The following MCM3AP variants were observed in gnomAD, a reference collection of about 807,000 sequenced individuals.
MCM3AP encodes the protein germinal-center associated nuclear protein.
Under a neutral mutation model 184.1 loss-of-function variants are expected in MCM3AP, and 126 were observed. The ratio of observed to expected loss-of-function variants is 0.68; its 90% CI spans 0.59 to 0.79. The LOEUF is 0.79. Among genes scored for constraint, MCM3AP ranks in the 30% least tolerant of loss-of-function variants. MCM3AP has a pLI of 0.00. For synonymous variants in MCM3AP, 1,002 were observed against 979.3 expected (o/e 1.02, Z -0.43); for missense variants, 2,496 against 2,479.2 (o/e 1.01, Z -0.14).
At position 46,280,063 on chromosome 21, in the gene MCM3AP, C is replaced by T. The variant is rs2145715752; in HGVS notation, c.1597G>A (p.Ala533Thr). 2 of 1,614,118 alleles carry T rather than the reference C, an allele frequency of 1.2e-6. No individual in the cohort carries two copies. The highest frequency in any genetic ancestry group is 1.7e-6 in the Non-Finnish European group (2 of 1,179,940). ...DGEVSPSTED[A>T]PFQHSPLGKA... ...CCAAGAGGAGAGTGCTGAAAGGGTGCATCCTCTGTGCTCGGGCTGACTTCA... is the reference window on the plus strand; with the variant it reads ...CCAAGAGGAGAGTGCTGAAAGGGTGTATCCTCTGTGCTCGGGCTGACTTCA... Residue 533 changes from alanine to threonine, a missense_variant, in exon 4 of 28, where the codon GCA (alanine) becomes ACA (threonine). Transcript: ENST00000291688.
chr21:46,285,276 G>A lies in MCM3AP; in HGVS notation c.11C>T (p.Thr4Ile). 6.2e-7 allele frequency: 1 copy of A among 1,611,040 alleles called. No homozygotes were observed. The highest frequency in any genetic ancestry group is 2.2e-5 in the East Asian group (1 of 44,870). ...AGGCTGCTGCCCACTGAAAGGATTAGTTGGGTTCATCTTCTGCTCCAATTA... is the reference window on the plus strand; with the variant it reads ...AGGCTGCTGCCCACTGAAAGGATTAATTGGGTTCATCTTCTGCTCCAATTA... MNPTNPFSGQQPSA... is the reference protein window; with the variant it reads MNPINPFSGQQPSA... The change falls in exon 1 of 28, where the codon ACT becomes ATT. Residue 4 changes from threonine to isoleucine, a missense_variant. Around this residue, in one of 5 missense-constraint regions of MCM3AP, gnomAD observed 800 missense variants for 717.1 expected, o/e 1.12. Transcript: ENST00000291688.
At chr21:46,273,673 T>A (rs2081216762) in intron 6 of MCM3AP, 88 bp from the exon 7 acceptor site, 1 of 899,570 alleles carries the variant, frequency 1.1e-6, no homozygotes, top group Non-Finnish European at 1.8e-6. Context: ...GAAAATCACA[T>A]ACACACCCAC....
At chr21:46,281,907 A>C (rs2081338194) in intron 2 of MCM3AP, among the ~76,000 whole-genome samples, 1 of 152,072 alleles carries the variant, frequency 6.6e-6, no homozygotes, top group Non-Finnish European at 1.5e-5. Flanking sequence ...CTGAGGGAGG[A>C]GAATCGCTTG....
chr21:46,277,825 G>T, intron 4 of MCM3AP, 108 bp from the exon 5 acceptor site: 1 of 583,350 alleles, frequency 1.7e-6, no homozygotes. Flanking sequence ...GTCCTCTAAA[G>T]CTGAGAAACT....
chr21:46,276,463 T>TG (rs931075589), intron 5 of MCM3AP, among the ~76,000 whole-genome samples: 5 of 152,064 alleles, frequency 3.3e-5, no homozygotes, highest in African/African-American at 1.2e-4. Context: ...CTTTTTGAGA[T>TG]GGAGTTTCGC....
chr21:46,271,291 TGCTGTGATAACAG>T (rs981022371), intron 8 of MCM3AP, among the ~76,000 whole-genome samples: 1 of 151,042 alleles, frequency 6.6e-6, no homozygotes, highest in African/African-American at 2.4e-5. Flanking sequence ...CCTCCCAAAG[TGCTGTGATAACAG>T]GCCATGGGCC....
chr21:46,251,881 CTTTTTTTTT>C (rs754670172), intron 19 of MCM3AP, 199 bp from the exon 20 acceptor site: 5 of 127,754 alleles, frequency 3.9e-5, no homozygotes, highest in Admixed American at 9.9e-5. Flanking sequence ...TGTACTCGTT[CTTTTTTTTT>C]TTTTTTTTTT....
At chr21:46,283,541 CAA>C (rs79660597) in intron 2 of MCM3AP, 72 bp downstream of exon 2, 462 of 806,110 alleles carry the variant, frequency 5.7e-4, no homozygotes, top group Non-Finnish European at 6.9e-4. Context: ...ACTGAGGGAC[CAA>C]AAAAAAAAAA....
At position 46,272,844 on chromosome 21, in the gene MCM3AP, G is replaced by C. The variant is rs770368870; in HGVS notation, c.2197-15C>G. On this transcript the variant is annotated splice_polypyrimidine_tract_variant and intron_variant, in intron 7 of 27. Transcript: ENST00000291688. The stretch of plus-strand genomic sequence containing the variant: ...TGCGTGATATCCTGGCCACAGGCGA[G>C]GGGGAGGATCACACACACATTCCCA... 22 of 1,558,172 alleles carry C rather than the reference G, an allele frequency of 1.4e-5. No individual in the cohort carries two copies. Among genetic ancestry groups the C allele is most frequent in the Non-Finnish European group, 1.9e-5 (22 of 1,150,928 alleles).
intron 5 of MCM3AP, 120 bp from the exon 6 acceptor site, chr21:46,275,445 G>A (rs1350456448): frequency 2.8e-5 from 24 of 863,138 alleles, no homozygotes; most frequent in Non-Finnish European, 3.6e-5. Context: ...CATTACAAAA[G>A]AAAAGAAAAA....
At chr21:46,261,049 C>A in intron 14 of MCM3AP, 143 bp from the exon 15 acceptor site, 1 of 819,540 alleles carries the variant, frequency 1.2e-6, no homozygotes, top group Non-Finnish European at 2.0e-6. Flanking sequence ...TCCCCTGACA[C>A]CACCTCCCTT....
At position 46,256,922 on chromosome 21, in the gene MCM3AP, G is replaced by A. The variant is rs1199243662; in HGVS notation, c.3799C>T (p.Pro1267Ser). Residue 1267 changes from proline to serine, a missense_variant, in exon 17 of 28, where the codon CCC (proline) becomes TCC (serine). By Grantham distance (74) the Pro-to-Ser change is moderately conservative. Coordinates refer to ENST00000291688, the MANE Select transcript of MCM3AP (RefSeq NM_003906.5). ...CGGTCGCTCACGTCCACGCAGCAGGGCGCAGCAGGGAAAGCCCGCATTTGG... is the reference window on the plus strand; with the variant it reads ...CGGTCGCTCACGTCCACGCAGCAGGACGCAGCAGGGAAAGCCCGCATTTGG... ...RRQMRAFPAA[P>S]CCVDVSDRLR... 2 of 1,611,626 alleles carry A rather than the reference G, an allele frequency of 1.2e-6. No homozygotes were observed. Among genetic ancestry groups the A allele is most frequent in the African/African-American group, 1.3e-5 (1 of 74,904 alleles).
rs139883535 is a variant in MCM3AP, at chr21:46,262,329, A to C, written c.3336-918T>G. The stretch of plus-strand genomic sequence containing the variant: ...TGAGGCTAGCATTGCTCTAATACCA[A>C]AGACAGACCAAAGACACTATAGGAA... On this transcript the variant is annotated intron_variant, in intron 13 of 27. Transcript: ENST00000291688. Among the ~76,000 whole-genome samples the C allele has an allele frequency of 1.6e-3, 238 of 152,312 alleles. 2 individuals are homozygous for C. The highest frequency in any genetic ancestry group is 3.7e-4 in the Non-Finnish European group (25 of 68,030).
intron 9 of MCM3AP, chr21:46,267,481 G>A (rs2081127744): frequency 4.2e-6 from 1 of 239,310 alleles, no homozygotes; most frequent in Admixed American, 5.2e-5. Flanking sequence ...CCAGGAAGGT[G>A]CTGCAGAGGA....
intron 4 of MCM3AP, among the ~76,000 whole-genome samples, chr21:46,279,770 C>G (rs1240345867): frequency 6.6e-6 from 1 of 152,124 alleles, no homozygotes; most frequent in Admixed American, 6.5e-5. Context: ...TCAGAAAATT[C>G]TCTCTTCTGG....
chr21:46,254,722 G>C, intron 18 of MCM3AP, 54 bp downstream of exon 18: 2 of 1,539,212 alleles, frequency 1.3e-6, no homozygotes, highest in Non-Finnish European at 1.8e-6. Flanking sequence ...CAGTGTGACA[G>C]ATTGGGGAAC....
rs998554029 is a variant in MCM3AP, at chr21:46,268,491, T to C, written c.2629-1349A>G. ...ACATCAAACACACAGAATGGTGATT[T>C]AGTGCGGCAGATGGGCAGGGAGAGC... On this transcript the variant is annotated intron_variant, in intron 9 of 27. Coordinates refer to ENST00000291688, the MANE Select transcript of MCM3AP (RefSeq NM_003906.5). 5.3e-5 allele frequency among the ~76,000 whole-genome samples: 8 copies of C among 152,298 alleles called. No homozygotes were observed. The East Asian group carries it at 1.5e-3, about 29-fold the overall frequency.
chr21:46,243,217 G>C lies in MCM3AP; in HGVS notation c.5296+248C>G, dbSNP rs192635553. On this transcript the variant is annotated intron_variant, in intron 24 of 27. Coordinates refer to ENST00000291688, the MANE Select transcript of MCM3AP (RefSeq NM_003906.5). ...CAGGGCCAGTAATGACTACTCAAAA[G>C]CCACAAAATCCTCTCTAAGAGCCAT... is the stretch of plus-strand genomic sequence containing the variant. Among the ~76,000 whole-genome samples the C allele has an allele frequency of 1.5e-4, 23 of 152,230 alleles. 1 individual carries two copies. The East Asian group carries it at 4.1e-3, about 27-fold the overall frequency.
chr21:46,265,567 G>C, intron 11 of MCM3AP, 44 bp from the exon 12 acceptor site: 1 of 1,475,600 alleles, frequency 6.8e-7, no homozygotes, highest in African/African-American at 1.4e-5. Context: ...CAGACACAGG[G>C]TGCCTGGCAC....
Sources: allele counts gnomAD v4.1 joint callset (sites outside exome capture counted in the v4.1 genomes callset), GRCh38; gene constraint gnomAD v4.1.1; regional missense constraint gnomAD v4.1.1; transcripts MANE v1.5; gene names NCBI Gene and HGNC (gene_info 2026-07-23, HGNC 2026-07-21).